Variants in JMJD1C observed in about 807,000 individuals in gnomAD.
The protein encoded by JMJD1C is jumonji domain containing 1C, also known as jumonji domain-containing protein 1C.
A neutral mutation model predicts 245.3 loss-of-function variants in JMJD1C; 31 were observed. The observed-to-expected ratio is 0.13, with a 90% CI of 0.09 to 0.17. The LOEUF (loss-of-function observed/expected upper bound fraction) is 0.17. JMJD1C is among the 10% of genes least tolerant of loss of function. The pLI, the probability that JMJD1C is intolerant of heterozygous loss-of-function variation, is 1.00. For synonymous variants in JMJD1C, 1,057 were observed against 1,017.4 expected, an observed-to-expected ratio of 1.04 and a Z score of -0.74; for missense variants, 2,691 against 3,000.2, an observed-to-expected ratio of 0.90 and a Z score of 2.41.
chr10:63,317,075 G>C (rs1940170487), intron 2 of JMJD1C, among the ~76,000 whole-genome samples: 1 of 151,972 alleles, frequency 6.6e-6, no homozygotes, highest in Admixed American at 6.5e-5. Context: ...GGCCAGGCTG[G>C]TTTTGAATTC....
chr10:63,316,484 C>T (rs921663414), intron 2 of JMJD1C, among the ~76,000 whole-genome samples: 1 of 151,994 alleles, frequency 6.6e-6, no homozygotes, highest in Non-Finnish European at 1.5e-5. Context: ...GAGTTTCGCT[C>T]CTCTCCAGGC....
intron 1 of JMJD1C, among the ~76,000 whole-genome samples, chr10:63,428,659 T>C (rs1309045509): frequency 6.6e-6 from 1 of 151,726 alleles, no homozygotes; most frequent in Non-Finnish European, 1.5e-5. Flanking sequence ...AGTTAGACTA[T>C]GGAAACAAAA....
intron 1 of JMJD1C, among the ~76,000 whole-genome samples, chr10:63,500,571 T>C (rs902088898): frequency 1.3e-5 from 2 of 152,030 alleles, no homozygotes; most frequent in Non-Finnish European, 2.9e-5. Flanking sequence ...CTGTCTCTAC[T>C]AAAAATACAA....
chr10:63,501,979 T>G (rs1408623471), intron 1 of JMJD1C, among the ~76,000 whole-genome samples: 2 of 152,224 alleles, frequency 1.3e-5, no homozygotes, highest in African/African-American at 4.8e-5. Flanking sequence ...ATTTATCATT[T>G]TTCTAAAGGT....
intron 2 of JMJD1C, among the ~76,000 whole-genome samples, chr10:63,270,475 T>C (rs1270919676): frequency 6.7e-6 from 1 of 149,250 alleles, no homozygotes; most frequent in Admixed American, 6.7e-5. Context: ...AGCCTCTTCT[T>C]TTTTTTTTTG....
intron 2 of JMJD1C, among the ~76,000 whole-genome samples, chr10:63,363,306 T>A (rs1945558594): frequency 6.8e-6 from 1 of 147,226 alleles, no homozygotes; most frequent in Non-Finnish European, 1.5e-5. Flanking sequence ...TCGTCCAGGC[T>A]GGAGTGCAGC....
chr10:63,406,002 T>C (rs34028683), intron 1 of JMJD1C, among the ~76,000 whole-genome samples: 30,727 of 152,082 alleles, frequency 0.2, 4,075 homozygotes, highest in Non-Finnish European at 0.29. Flanking sequence ...TTATAAGTAA[T>C]ACAAAGGAAA....
intron 2 of JMJD1C, among the ~76,000 whole-genome samples, chr10:63,300,171 C>A (rs1859913865): frequency 6.6e-6 from 1 of 152,162 alleles, no homozygotes; most frequent in South Asian, 2.1e-4. Context: ...AGTTAATACA[C>A]TCAGGCAGTC....
In JMJD1C at chr10:63,318,096, C is replaced by T. The variant is rs561930676; in HGVS notation, c.334-53332G>A. 5.3e-5 allele frequency among the ~76,000 whole-genome samples: 8 copies of T among 152,346 alleles called. No individual in the cohort carries two copies. The East Asian group carries it at 1.5e-3, about 29-fold the overall frequency. Reference sequence around the variant, plus strand: ...CATCTCGACTCACTACAACCTCTGCCTCAAGTTCAGGTAATTCTGGCATCT... The same window carrying T: ...CATCTCGACTCACTACAACCTCTGCTTCAAGTTCAGGTAATTCTGGCATCT... On this transcript the variant is annotated intron_variant, in intron 2 of 25. Coordinates refer to ENST00000399262, the MANE Select transcript of JMJD1C (RefSeq NM_032776.3).
intron 1 of JMJD1C, among the ~76,000 whole-genome samples, chr10:63,411,321 C>T (rs1374599830): frequency 4.1e-5 from 5 of 121,236 alleles, no homozygotes; most frequent in African/African-American, 9.6e-5. Flanking sequence ...TTTTTTGAGA[C>T]GGAGTCTCGC....
intron 1 of JMJD1C, among the ~76,000 whole-genome samples, chr10:63,387,629 A>AATT (rs1554915199): frequency 0.31 from 11,518 of 37,100 alleles, 3,304 homozygotes; most frequent in South Asian, 0.43. Flanking sequence ...GAAAAAAAAA[A>AATT]TTTTTTTTTT....
chr10:63,485,962 G>A lies in JMJD1C; in HGVS notation n.113+35776C>T, dbSNP rs1259762159. Among the ~76,000 whole-genome samples the A allele has an allele frequency of 2.6e-5, 4 of 152,044 alleles. No homozygotes were observed. The East Asian group carries it at 5.8e-4, about 22-fold the overall frequency. On this transcript the variant is annotated intron_variant and non_coding_transcript_variant, in intron 1 of 3. Coordinates refer to the JMJD1C transcript ENST00000633035. ...ATAATTTAGTATCACAAAGTGAGAA[G>A]TCCAACAGAAGATATTAAATGGATG...
At position 63,250,826 on chromosome 10, in the gene JMJD1C, G is replaced by A. The variant is rs140295305; in HGVS notation, c.447+13825C>T. On this transcript the variant is annotated intron_variant, in intron 3 of 25. Coordinates refer to ENST00000399262, the MANE Select transcript of JMJD1C (RefSeq NM_032776.3). ...CACAATCATAGCTCACTGCAGCCTC[G>A]ATCTCCTGGGCTCAAGCAATCCTCC... 2.4e-3 allele frequency among the ~76,000 whole-genome samples: 367 copies of A among 152,182 alleles called. 3 individuals carry two copies. In the South Asian group the frequency reaches 0.029, roughly 12 times the overall value.
intron 2 of JMJD1C, among the ~76,000 whole-genome samples, chr10:63,334,117 G>T (rs1942449861): frequency 6.6e-6 from 1 of 152,120 alleles, no homozygotes. Flanking sequence ...CCAAGAAGAG[G>T]TGGTAGACAT....
At chr10:63,360,945 C>A (rs981467787) in intron 2 of JMJD1C, among the ~76,000 whole-genome samples, 1 of 152,010 alleles carries the variant, frequency 6.6e-6, no homozygotes, top group Admixed American at 6.6e-5. Flanking sequence ...CCACCGAGCC[C>A]GGCCTAAAAA....
intron 1 of JMJD1C, among the ~76,000 whole-genome samples, chr10:63,489,119 G>T (rs890840103): frequency 1.3e-5 from 2 of 152,194 alleles, no homozygotes; most frequent in East Asian, 3.9e-4. Flanking sequence ...AAAAAATGAG[G>T]CCGGGCGCAG....
At chr10:63,329,642 T>C (rs1003087457) in intron 2 of JMJD1C, among the ~76,000 whole-genome samples, 3 of 152,154 alleles carry the variant, frequency 2.0e-5, no homozygotes, top group African/African-American at 4.8e-5. Flanking sequence ...TGACTTAGAA[T>C]GGTTCAACTC....
chr10:63,280,207 G>C (rs1223697636), intron 2 of JMJD1C, among the ~76,000 whole-genome samples: 1 of 151,984 alleles, frequency 6.6e-6, no homozygotes. Flanking sequence ...TAAATGTTTT[G>C]CCTGGGGAAG....
At chr10:63,222,196 T>C (rs943884412) in intron 3 of JMJD1C, 4 of 756,956 alleles carry the variant, frequency 5.3e-6, no homozygotes, top group Admixed American at 3.4e-5. Context: ...TCAACTTGAC[T>C]GACACCATGT....
Sources: gnomAD v4.1 joint callset for allele counts (sites outside exome capture counted in the v4.1 genomes callset) on GRCh38, gnomAD v4.1.1 for gene constraint, MANE v1.5 for transcripts, NCBI Gene and HGNC (gene_info 2026-07-23, HGNC 2026-07-21) for gene names.